CDK19: variants seen among roughly 807,000 people sequenced by gnomAD.
The protein encoded by CDK19 is cyclin-dependent kinase 19.
CDK19 carries 20 observed loss-of-function variants against 68.3 expected under a neutral mutation model. That is an observed-to-expected ratio of 0.29 (90% CI 0.21 to 0.43). The LOEUF is 0.43. Among genes scored for constraint, CDK19 ranks in the 20% least tolerant of loss-of-function variants. CDK19 has a pLI of 1.00. For synonymous variants in CDK19, 221 were observed against 222.8 expected, an observed-to-expected ratio of 0.99 and a Z score of 0.07; for missense variants, 339 against 623.5, an observed-to-expected ratio of 0.54 and a Z score of 4.86.
In CDK19 at chr6:110,735,085, G is replaced by C. The variant is rs552984351; in HGVS notation, c.204+11041C>G. On this transcript the variant is annotated intron_variant, in intron 2 of 12. Coordinates refer to ENST00000368911, the MANE Select transcript of CDK19 (RefSeq NM_015076.5). ...AATGGATCAAAAATTTTAGATAATA[G>C]TCCACAAAATTTAATTTTTAATCTT... is the stretch of plus-strand genomic sequence containing the variant. 1.3e-4 allele frequency among the ~76,000 whole-genome samples: 19 copies of C among 151,370 alleles called. No individual in the cohort carries two copies. In the East Asian group the frequency reaches 3.5e-3, roughly 28 times the overall value.
chr6:110,815,244 C>T lies in CDK19; in HGVS notation c.-108G>A. On this transcript the variant is annotated 5_prime_UTR_variant, in exon 1 of 13. Transcript: ENST00000368911. ...CCACTTCTCCAACAGCCGCCTCTCG[C>T]GCGCGCGCGCGCGCCGCCCGCCGCC... The T allele has an allele frequency of 1.7e-6, 2 of 1,160,968 alleles. No individual in the cohort carries two copies. The highest frequency in any genetic ancestry group is 3.7e-5 in the East Asian group (1 of 26,806). 71.9% of individuals were successfully genotyped at this position (1,160,968 alleles called of 1,614,324 possible). A position where few individuals can be genotyped will look rare whatever the true frequency, so the allele number is the denominator to read the frequency against.
chr6:110,813,059 T>A (rs1783237628), intron 1 of CDK19: 2 of 151,656 alleles, frequency 1.3e-5, no homozygotes, highest in African/African-American at 2.4e-5. Context: ...TTTTTTTTTT[T>A]TAGAAAAAAA....
At position 110,623,247 on chromosome 6, in the gene CDK19, T is replaced by A. The variant is rs762573200; in HGVS notation, c.933+43A>T. On this transcript the variant is annotated intron_variant, in intron 9 of 12. Transcript: ENST00000368911. ...TAGCTGAGTAAATAGAAGGCGAGATTTGTGCTGAGAATCAGATTTTAGTCT... is the reference window on the plus strand; with the variant it reads ...TAGCTGAGTAAATAGAAGGCGAGATATGTGCTGAGAATCAGATTTTAGTCT... 3 of 1,513,150 alleles carry A rather than the reference T, an allele frequency of 2.0e-6. No individual in the cohort carries two copies. The Admixed American group carries it at 5.1e-5, about 26-fold the overall frequency. 93.7% of individuals were successfully genotyped at this position (1,513,150 alleles called of 1,614,324 possible).
Position 110,632,136 on chromosome 6 carries a change from G to T in CDK19, c.540C>A (p.Phe180Leu). Residue 180 changes from phenylalanine to leucine, a missense_variant, in exon 6 of 13, where the codon TTC (phenylalanine) becomes TTA (leucine). By Grantham distance (22) the Phe-to-Leu change is conservative. Transcript: ENST00000368911. ...CTGCTAGTGGCTTTAGAGGAGAATT[G>T]AATAATCTGGCAAAACCCATGTCAG... ...KIADMGFARLFNSPLKPLADL... is the reference protein window; with the variant it reads ...KIADMGFARLLNSPLKPLADL... The T allele has an allele frequency of 6.2e-7, 1 of 1,608,702 alleles. No individual in the cohort carries two copies. The highest frequency in any genetic ancestry group is 8.5e-7 in the Non-Finnish European group (1 of 1,178,772).
At chr6:110,809,087 C>T (rs1782886224) in intron 1 of CDK19, among the ~76,000 whole-genome samples, 1 of 151,176 alleles carries the variant, frequency 6.6e-6, no homozygotes, top group African/African-American at 2.4e-5. Context: ...TGGTGGTGGG[C>T]GCCTGTAGTC....
intron 4 of CDK19, among the ~76,000 whole-genome samples, chr6:110,647,599 A>G (rs570113175): frequency 1.3e-5 from 2 of 152,338 alleles, no homozygotes; most frequent in African/African-American, 4.8e-5. Context: ...TTGATTCACA[A>G]TGAATTAGAA....
At chr6:110,760,538 G>A (rs1779163512) in intron 1 of CDK19, among the ~76,000 whole-genome samples, 1 of 151,942 alleles carries the variant, frequency 6.6e-6, no homozygotes, top group South Asian at 2.1e-4. Flanking sequence ...GACTAGCCTG[G>A]GCAACACAAT....
chr6:110,748,162 G>A lies in CDK19; in HGVS notation c.129-1961C>T, dbSNP rs542744635. On this transcript the variant is annotated intron_variant, in intron 1 of 12. Coordinates refer to ENST00000368911, the MANE Select transcript of CDK19 (RefSeq NM_015076.5). ...AAGTAGTCCAGAAGCTCATGTAATT[G>A]CATAGTTTTATTTTTAATACTGTAA... Among the ~76,000 whole-genome samples, 19 of 152,236 alleles carry A rather than the reference G, an allele frequency of 1.2e-4. No individual in the cohort carries two copies. The South Asian group carries it at 3.9e-3, about 32-fold the overall frequency.
At chr6:110,748,202 T>A (rs1242748240) in intron 1 of CDK19, among the ~76,000 whole-genome samples, 1 of 152,168 alleles carries the variant, frequency 6.6e-6, no homozygotes, top group African/African-American at 2.4e-5. Context: ...TATTACACAA[T>A]CTGGATAGGT....
chr6:110,759,414 AAAAAAAAAAAAAAAAT>A (rs1360689659), intron 1 of CDK19, among the ~76,000 whole-genome samples: 1 of 112,002 alleles, frequency 8.9e-6, no homozygotes, highest in African/African-American at 4.1e-5. Flanking sequence ...TAAAAAAAAA[AAAAAAAAAAAAAAAAT>A]ATATATATAT....
At chr6:110,663,115 C>T (rs994972587) in intron 4 of CDK19, among the ~76,000 whole-genome samples, 2 of 152,016 alleles carry the variant, frequency 1.3e-5, no homozygotes, top group African/African-American at 4.8e-5. Flanking sequence ...TATATTTACT[C>T]TAACACATTT....
chr6:110,665,185 T>C (rs1391660645), intron 4 of CDK19, among the ~76,000 whole-genome samples: 2 of 152,194 alleles, frequency 1.3e-5, no homozygotes, highest in Non-Finnish European at 2.9e-5. Context: ...GGAAACAGAT[T>C]GTTGACAACA....
intron 1 of CDK19, among the ~76,000 whole-genome samples, chr6:110,757,373 G>C (rs1384391053): frequency 6.6e-6 from 1 of 152,056 alleles, no homozygotes; most frequent in Non-Finnish European, 1.5e-5. Flanking sequence ...CCTTAGAAAA[G>C]GAGAGCCATA....
Position 110,746,112 on chromosome 6 carries a change from T to G in CDK19, c.204+14A>C. 6.8e-7 allele frequency: 1 copy of G among 1,463,898 alleles called. No individual in the cohort carries two copies. Among genetic ancestry groups the G allele is most frequent in the Non-Finnish European group, 9.3e-7 (1 of 1,071,362 alleles). 90.7% of individuals were successfully genotyped at this position (1,463,898 alleles called of 1,614,324 possible). ...TCAATAATAAAATAAATAACTGTAT[T>G]TGTATCCACTTACTGCAATCTCTCT... On this transcript the variant is annotated intron_variant, in intron 2 of 12. Coordinates refer to ENST00000368911, the MANE Select transcript of CDK19 (RefSeq NM_015076.5).
At chr6:110,618,217 C>A (rs1459050562) in intron 12 of CDK19, among the ~76,000 whole-genome samples, 1 of 152,140 alleles carries the variant, frequency 6.6e-6, no homozygotes, top group East Asian at 1.9e-4. Flanking sequence ...CACTGCACCT[C>A]TGCCTCCCAG....
chr6:110,659,268 C>A (rs1781478939), intron 4 of CDK19, among the ~76,000 whole-genome samples: 1 of 152,204 alleles, frequency 6.6e-6, no homozygotes, highest in African/African-American at 2.4e-5. Context: ...TTTCTAAGCA[C>A]TTATTTTTAA....
At chr6:110,628,865 C>A (rs768790318) in intron 6 of CDK19, among the ~76,000 whole-genome samples, 4 of 152,110 alleles carry the variant, frequency 2.6e-5, no homozygotes, top group Non-Finnish European at 5.9e-5. Flanking sequence ...TTAATTACAC[C>A]ATTGCCTGCC....
At chr6:110,745,371 TTTTC>T (rs1778004275) in intron 2 of CDK19, among the ~76,000 whole-genome samples, 1 of 152,128 alleles carries the variant, frequency 6.6e-6, no homozygotes, top group Non-Finnish European at 1.5e-5. Flanking sequence ...CAGGGAACTA[TTTTC>T]TTTAAGGGAT....
At chr6:110,759,705 T>C (rs559500815) in intron 1 of CDK19, among the ~76,000 whole-genome samples, 1 of 151,944 alleles carries the variant, frequency 6.6e-6, no homozygotes, top group Non-Finnish European at 1.5e-5. Context: ...TACTTTTTGA[T>C]TTTTCCATAA....
Sources: allele counts gnomAD v4.1 joint callset (sites outside exome capture counted in the v4.1 genomes callset), GRCh38; gene constraint gnomAD v4.1.1; transcripts MANE v1.5; gene names NCBI Gene and HGNC (gene_info 2026-07-23, HGNC 2026-07-21).